The following TDRP variants were observed in gnomAD, a reference collection of about 807,000 sequenced individuals.
The protein encoded by TDRP is testis development related protein, also known as testis development-related protein.
TDRP carries 12 observed loss-of-function variants against 10.5 expected under a neutral mutation model. The ratio of observed to expected loss-of-function variants is 1.15; its 90% CI spans 0.73 to 1.86. The LOEUF (loss-of-function observed/expected upper bound fraction) is 1.86. Ranked by LOEUF, TDRP falls within the 40% of genes most tolerant of loss-of-function variation. The pLI is 0.00. For missense variants in TDRP, 353 were observed against 229.2 expected (o/e 1.54, Z -3.49); for synonymous variants, 139 against 95.4 (o/e 1.46, Z -2.67).
rs1800994466 is a variant in TDRP at position 492,129 on chromosome 8, T to C, written c.*270A>G. 4.0e-6 allele frequency: 5 copies of C among 1,237,836 alleles called. No homozygotes were observed. The Admixed American group carries it at 1.6e-4, about 39-fold the overall frequency. The allele number at this position is 1,237,836 out of a possible 1,614,324, so 76.7% of individuals were successfully genotyped here. ...ATTACTGCTGTATTATGGGAGAGCA[T>C]CATAAATTCACATCTCCAGTTTCTG... On this transcript the variant is annotated 3_prime_UTR_variant, in exon 3 of 3. Transcript: ENST00000324079.
At chr8:519,725 C>T (rs1305534604) in intron 1 of TDRP, among the ~76,000 whole-genome samples, 1 of 152,064 alleles carries the variant, frequency 6.6e-6, no homozygotes, top group Non-Finnish European at 1.5e-5. Flanking sequence ...ATCTACTCTT[C>T]AATTTGTGGA....
At chr8:501,891 G>C (rs895335712) in intron 1 of TDRP, among the ~76,000 whole-genome samples, 4 of 152,172 alleles carry the variant, frequency 2.6e-5, no homozygotes, top group African/African-American at 7.2e-5. Flanking sequence ...CATGGAAGGA[G>C]CTGTGCATGA....
intron 1 of TDRP, among the ~76,000 whole-genome samples, chr8:522,780 C>T (rs1399856149): frequency 1.3e-5 from 2 of 152,174 alleles, no homozygotes; most frequent in African/African-American, 4.8e-5. Context: ...ATTACATAGT[C>T]CTTCTTTGTG....
chr8:497,985 C>A (rs1246032726), intron 1 of TDRP, among the ~76,000 whole-genome samples: 4 of 152,176 alleles, frequency 2.6e-5, no homozygotes, highest in Non-Finnish European at 4.4e-5. Flanking sequence ...GGAGCCTCTG[C>A]CTCGATTTCA....
intron 1 of TDRP, among the ~76,000 whole-genome samples, chr8:514,522 A>G (rs1012046274): frequency 6.6e-6 from 1 of 152,154 alleles, no homozygotes; most frequent in Non-Finnish European, 1.5e-5. Context: ...ATTTGCCTCA[A>G]TGCAGGGACC....
chr8:504,812 G>A (rs183597741), intron 1 of TDRP, among the ~76,000 whole-genome samples: 1 of 152,164 alleles, frequency 6.6e-6, no homozygotes, highest in African/African-American at 2.4e-5. Flanking sequence ...AAATGAACTT[G>A]TGCTCTCTGC....
intron 1 of TDRP, among the ~76,000 whole-genome samples, chr8:509,325 A>T (rs1801548803): frequency 6.6e-6 from 1 of 152,144 alleles, no homozygotes; most frequent in Non-Finnish European, 1.5e-5. Flanking sequence ...ATACTGGCCC[A>T]GCAGAGGTTC....
Position 523,690 on chromosome 8 carries a change from C to G in TDRP, c.108+20960G>C, listed in dbSNP as rs558644114. Among the ~76,000 whole-genome samples, 417 of 152,196 alleles carry G rather than the reference C, an allele frequency of 2.7e-3. 1 individual carries two copies. Among genetic ancestry groups the G allele is most frequent in the Non-Finnish European group, 4.6e-3 (310 of 68,008 alleles). The stretch of plus-strand genomic sequence containing the variant: ...CTCCGAGGGCCTGGGGCAGTGGTAG[C>G]CAAGGGGAGAGGCTCCTCTGCTTGT... On this transcript the variant is annotated intron_variant, in intron 1 of 2. Transcript: ENST00000324079.
chr8:492,766 G>T, intron 2 of TDRP, 22 bp from the exon 3 acceptor site: 1 of 1,547,826 alleles, frequency 6.5e-7, no homozygotes, highest in Non-Finnish European at 8.7e-7. Flanking sequence ...GAAAGAGTTA[G>T]GTGTTGGTGA....
Position 493,034 on chromosome 8 carries a change from A to C in TDRP, c.213-290T>G, listed in dbSNP as rs947445713. Among the ~76,000 whole-genome samples the C allele has an allele frequency of 3.3e-5, 5 of 152,332 alleles. No individual in the cohort carries two copies. In the South Asian group the frequency reaches 8.3e-4, roughly 25 times the overall value. On this transcript the variant is annotated intron_variant, in intron 2 of 2. Coordinates refer to ENST00000324079, the MANE Select transcript of TDRP (RefSeq NM_001384899.1). ...ACACAAGAGAGAACCTCAAGGCAAT[A>C]GGAAGGTGGTACTCAAGATTTTGAG...
Position 492,622 on chromosome 8 carries a change from G to T in TDRP, c.335C>A (p.Pro112Gln). 1 of 1,613,962 alleles carries T rather than the reference G, an allele frequency of 6.2e-7. No individual in the cohort carries two copies. The change falls in exon 3 of 3, where the codon CCA becomes CAA. Residue 112 changes from proline (P) to glutamine (Q), a missense_variant. By Grantham distance (76) the Pro-to-Gln change is moderately conservative. Coordinates refer to ENST00000324079, the MANE Select transcript of TDRP (RefSeq NM_001384899.1). ...KPDEIEGWEP[P>Q]KLALEDISAD... ...CGATATGTCTTCAAGAGCAAGTTTT[G>T]GAGGCTCCCAACCTTCAATTTCATC...
In TDRP at chr8:497,185, G is replaced by C. The variant is rs527345225; in HGVS notation, c.109-2588C>G. On this transcript the variant is annotated intron_variant, in intron 1 of 2. Transcript: ENST00000324079. The stretch of plus-strand genomic sequence containing the variant: ...GAATAGTCTGGAGGGTCCAGAAGAA[G>C]ACTGGAAGATGTGGGAATGTTTGGA... Among the ~76,000 whole-genome samples the C allele has an allele frequency of 3.3e-5, 5 of 152,354 alleles. No individual in the cohort carries two copies. The East Asian group carries it at 9.7e-4, about 29-fold the overall frequency.
chr8:544,969 A>G (rs1317420352), upstream of TDRP: 1 of 242,518 alleles, frequency 4.1e-6, no homozygotes, highest in East Asian at 5.4e-5. Context: ...CCCGCCCCCA[A>G]ACCATCCCCA....
chr8:537,165 C>A (rs2116871975), intron 1 of TDRP, among the ~76,000 whole-genome samples: 1 of 152,364 alleles, frequency 6.6e-6, no homozygotes, highest in East Asian at 1.9e-4. Flanking sequence ...CACTGCTGAG[C>A]CCCACGTGGG....
Position 492,439 on chromosome 8 carries a change from C to A in TDRP, c.518G>T (p.Ser173Ile), listed in dbSNP as rs1238787807. ...AGRLVSIRRQ[S>I]KGHLTDSPEE... ...CGGGCTATCTGTCAGGTGGCCTTTA[C>A]TCTGCCGTCGGATGCTCACCAGCCT... Residue 173 changes from serine (S) to isoleucine (I), a missense_variant, in exon 3 of 3, where the codon AGT becomes ATT. Ser to Ile is a moderately radical substitution (Grantham distance 142). Coordinates refer to ENST00000324079, the MANE Select transcript of TDRP (RefSeq NM_001384899.1). 1 of 1,585,712 alleles carries A rather than the reference C, an allele frequency of 6.3e-7. No individual in the cohort carries two copies.
chr8:534,491 C>A (rs1802294043), intron 1 of TDRP, among the ~76,000 whole-genome samples: 3 of 152,318 alleles, frequency 2.0e-5, no homozygotes, highest in South Asian at 4.2e-4. Flanking sequence ...ATGCCTGAGC[C>A]ATCTCTAACA....
At chr8:520,473 T>G (rs1443009613) in intron 1 of TDRP, among the ~76,000 whole-genome samples, 1 of 152,222 alleles carries the variant, frequency 6.6e-6, no homozygotes, top group Non-Finnish European at 1.5e-5. Flanking sequence ...AGAAGTGGGA[T>G]GGCTGAAACA....
intron 1 of TDRP, among the ~76,000 whole-genome samples, chr8:522,115 G>T (rs1164715924): frequency 2.0e-5 from 3 of 151,992 alleles, no homozygotes; most frequent in Non-Finnish European, 2.9e-5. Context: ...TTGTGTGTTT[G>T]GGATCTTTAG....
At chr8:525,623 A>G (rs1421865289) in intron 1 of TDRP, among the ~76,000 whole-genome samples, 1 of 152,212 alleles carries the variant, frequency 6.6e-6, no homozygotes, top group East Asian at 1.9e-4. Context: ...AATTGTCATC[A>G]GTTTACAATA....
Sources: gnomAD v4.1 joint callset for allele counts (sites outside exome capture counted in the v4.1 genomes callset) on GRCh38, gnomAD v4.1.1 for gene constraint, MANE v1.5 for transcripts, NCBI Gene and HGNC (gene_info 2026-07-23, HGNC 2026-07-21) for gene names.